The following OLFML2A variants were observed in gnomAD, a reference collection of about 807,000 sequenced individuals.
OLFML2A encodes olfactomedin-like protein 2A.
A neutral mutation model predicts 60.9 loss-of-function variants in OLFML2A; 47 were observed. That is an observed-to-expected ratio of 0.77 (90% CI 0.61 to 0.98). OLFML2A has a LOEUF of 0.98. OLFML2A is among the 50% of genes least tolerant of loss of function. The pLI is 0.00. For missense variants in OLFML2A, 922 were observed against 879.8 expected (o/e 1.05, Z -0.61); for synonymous variants, 372 against 375.0 (o/e 0.99, Z 0.09).
At chr9:124,801,214 CT>C in intron 4 of OLFML2A, 199 bp from the exon 5 acceptor site, 1 of 887,942 alleles carries the variant, frequency 1.1e-6, no homozygotes, top group Non-Finnish European at 1.7e-6. Context: ...AGCTAAAGAG[CT>C]GGGTGAGGAA....
In OLFML2A at chr9:124,810,963, C is replaced by G. The variant is rs1260958883; in HGVS notation, c.*551C>G. 1 of 154,736 alleles carries G rather than the reference C, an allele frequency of 6.5e-6. No individual in the cohort carries two copies. Among genetic ancestry groups the G allele is most frequent in the Non-Finnish European group, 1.4e-5 (1 of 69,658 alleles). The allele number at this position is 154,736 out of a possible 1,614,324, so 9.6% of individuals were successfully genotyped here. A position where few individuals can be genotyped will look rare whatever the true frequency, so the allele number is the denominator to read the frequency against. On this transcript the variant is annotated 3_prime_UTR_variant, in exon 8 of 8. Coordinates refer to ENST00000373580, the MANE Select transcript of OLFML2A (RefSeq NM_182487.4). ...ATCCTAGGGCCCTGTTCTGGCTGAG[C>G]TGTTGGTGGCCCTGGGCTTTGGGCC...
chr9:124,801,162 C>G, intron 4 of OLFML2A: 1 of 1,157,440 alleles, frequency 8.6e-7, no homozygotes, highest in Admixed American at 2.4e-5. Context: ...AGAAGTGGGA[C>G]AGGAATCTAA....
At chr9:124,782,125 T>A (rs1841371649) in intron 1 of OLFML2A, among the ~76,000 whole-genome samples, 1 of 152,236 alleles carries the variant, frequency 6.6e-6, no homozygotes, top group African/African-American at 2.4e-5. Flanking sequence ...CCTCAGGTTC[T>A]ATGCCCCCCA....
At chr9:124,783,954 A>G (rs1369131205) in intron 1 of OLFML2A, among the ~76,000 whole-genome samples, 1 of 152,232 alleles carries the variant, frequency 6.6e-6, no homozygotes, top group Non-Finnish European at 1.5e-5. Context: ...AGGAGGTAAC[A>G]TGTGAGCAGA....
rs540697659 is a variant in OLFML2A, at chr9:124,784,364, C to T, written c.91-2611C>T. Among the ~76,000 whole-genome samples the T allele has an allele frequency of 1.3e-3, 195 of 152,074 alleles. 1 individual carries two copies. The highest frequency in any genetic ancestry group is 4.3e-3 in the African/African-American group (177 of 41,502). On this transcript the variant is annotated intron_variant, in intron 1 of 7. Transcript: ENST00000373580. ...GATTACAGATGCCCACCACCACACC[C>T]GGCTAATTTCTGTATTTTTAGTAGA...
chr9:124,777,477 A>C lies in OLFML2A; in HGVS notation c.90+117A>C. ...GCCAGGGCGGAGGAGCCGGGAGCTG[A>C]GAGACCGAACCTGGGACTTCTCAGC... is the stretch of plus-strand genomic sequence containing the variant. On this transcript the variant is annotated intron_variant, in intron 1 of 7. Coordinates refer to ENST00000373580, the MANE Select transcript of OLFML2A (RefSeq NM_182487.4). This position sits in a 1 kb window ranked among gnomAD's most constrained non-coding sequence, Gnocchi z 6.2. 1.5e-5 allele frequency: 16 copies of C among 1,081,798 alleles called. No homozygotes were observed. The highest frequency in any genetic ancestry group is 1.9e-5 in the Non-Finnish European group (16 of 858,980). 67.0% of individuals were successfully genotyped at this position (1,081,798 alleles called of 1,614,324 possible).
Position 124,804,266 on chromosome 9 carries a change from CGCCACCA to C in OLFML2A, c.1093_1099del (p.Ala365ProfsTer40). On this transcript the variant is annotated frameshift_variant, in exon 6 of 8. Coordinates refer to ENST00000373580, the MANE Select transcript of OLFML2A (RefSeq NM_182487.4). LOFTEE classifies it high-confidence loss of function. ...CTTCAATCCCTGCCACCACCACCACCGCCACCACCACCCCAACCCCCACCACCAGTCT... is the reference window on the plus strand; with the variant it reads ...CTTCAATCCCTGCCACCACCACCACCCCACCCCAACCCCCACCACCAGTCT... The C allele has an allele frequency of 6.3e-7, 1 of 1,597,606 alleles. No individual in the cohort carries two copies. Among genetic ancestry groups the C allele is most frequent in the Non-Finnish European group, 8.5e-7 (1 of 1,172,580 alleles).
chr9:124,802,361 C>T (rs1033889106), intron 5 of OLFML2A, among the ~76,000 whole-genome samples: 2 of 152,220 alleles, frequency 1.3e-5, no homozygotes, highest in African/African-American at 4.8e-5. Context: ...CAAACCTGCT[C>T]CTCCCCTTCC....
chr9:124,805,801 T>A (rs1222115921), intron 6 of OLFML2A, among the ~76,000 whole-genome samples: 1 of 139,220 alleles, frequency 7.2e-6, no homozygotes, highest in Admixed American at 8.0e-5. Context: ...TTGTTTTGGT[T>A]TTTTTGGTTT....
intron 2 of OLFML2A, among the ~76,000 whole-genome samples, chr9:124,793,157 G>A (rs1049624554): frequency 9.2e-5 from 14 of 152,240 alleles, no homozygotes; most frequent in African/African-American, 1.7e-4. Flanking sequence ...GGGAAATGCC[G>A]GAGGGCTCAG....
intron 2 of OLFML2A, among the ~76,000 whole-genome samples, chr9:124,791,512 G>C (rs62583360): frequency 0.14 from 21,931 of 152,124 alleles, 2,020 homozygotes; most frequent in South Asian, 0.26. Context: ...CAAGACAGGT[G>C]GATCACCTGA....
Position 124,810,679 on chromosome 9 carries a change from T to C in OLFML2A, c.*267T>C, listed in dbSNP as rs1841995596. ...CTTGGAGGTAGAGATCATGAACCCA[T>C]TTAACAGACGAGGAGACAGGCTCAG... On this transcript the variant is annotated 3_prime_UTR_variant, in exon 8 of 8. Coordinates refer to ENST00000373580, the MANE Select transcript of OLFML2A (RefSeq NM_182487.4). The C allele has an allele frequency of 2.0e-6, 1 of 507,428 alleles. No individual in the cohort carries two copies. Among genetic ancestry groups the C allele is most frequent in the African/African-American group, 1.9e-5 (1 of 52,318 alleles). The allele number at this position is 507,428 out of a possible 1,614,324, so 31.4% of individuals were successfully genotyped here.
intron 1 of OLFML2A, among the ~76,000 whole-genome samples, chr9:124,786,738 G>A (rs1341688652): frequency 4.4e-5 from 5 of 114,106 alleles, no homozygotes; most frequent in East Asian, 2.5e-4. Flanking sequence ...AAAAATACAC[G>A]CAGAGACGTA....
At chr9:124,809,257 A>T (rs1006491276) in intron 7 of OLFML2A, among the ~76,000 whole-genome samples, 1 of 152,250 alleles carries the variant, frequency 6.6e-6, no homozygotes, top group East Asian at 1.9e-4. Context: ...AGCAGCGCAC[A>T]GGGTGGTGGA....
At chr9:124,789,619 C>T (rs990181641) in intron 2 of OLFML2A, among the ~76,000 whole-genome samples, 5 of 152,244 alleles carry the variant, frequency 3.3e-5, no homozygotes, top group Admixed American at 1.3e-4. Flanking sequence ...GTTCACTCTA[C>T]AGCTAGATGG....
intron 6 of OLFML2A, among the ~76,000 whole-genome samples, chr9:124,807,258 T>C (rs1317593850): frequency 6.6e-6 from 1 of 150,808 alleles, no homozygotes; most frequent in African/African-American, 2.4e-5. Flanking sequence ...ATATAATGAA[T>C]AATATAACTT....
At chr9:124,801,789 C>A in intron 5 of OLFML2A, 126 bp downstream of exon 5, 1 of 1,072,630 alleles carries the variant, frequency 9.3e-7, no homozygotes, top group Non-Finnish European at 1.3e-6. Context: ...GTTGGGTGCC[C>A]TCTGCTCATT....
In OLFML2A at chr9:124,812,016, AC is replaced by A. The variant is rs1477469652; in HGVS notation, c.*1605del. The A allele has an allele frequency of 1.3e-5, 2 of 152,454 alleles. No individual in the cohort carries two copies. The highest frequency in any genetic ancestry group is 4.8e-5 in the African/African-American group (2 of 41,432). The allele number at this position is 152,454 out of a possible 1,614,324, so 9.4% of individuals were successfully genotyped here. ...ACCCCAGCACCTGTGAAGGACATTT[AC>A]TGCTCATCCTCACCTGCCCCCTGGC... is the stretch of plus-strand genomic sequence containing the variant. On this transcript the variant is annotated 3_prime_UTR_variant, in exon 8 of 8. Transcript: ENST00000373580.
chr9:124,799,340 A>G lies in OLFML2A; in HGVS notation c.518A>G (p.His173Arg). Residue 173 changes from histidine to arginine, a missense_variant, in exon 4 of 8, where the codon CAC becomes CGC. Coordinates refer to ENST00000373580, the MANE Select transcript of OLFML2A (RefSeq NM_182487.4). ...ENEVVKDSVR[H>R]LSEQLRHYEN... Reference sequence around the variant, plus strand: ...GAGGTGGTGAAGGACAGCGTGCGCCACCTCAGTGAGCAGTTGAGGCACTAT... The same window carrying G: ...GAGGTGGTGAAGGACAGCGTGCGCCGCCTCAGTGAGCAGTTGAGGCACTAT... 1 of 1,613,702 alleles carries G rather than the reference A, an allele frequency of 6.2e-7. No individual in the cohort carries two copies. Among genetic ancestry groups the G allele is most frequent in the Non-Finnish European group, 8.5e-7 (1 of 1,179,846 alleles).
Sources: allele counts gnomAD v4.1 joint callset (sites outside exome capture counted in the v4.1 genomes callset), GRCh38; gene constraint gnomAD v4.1.1; non-coding constraint Gnocchi (gnomAD v3.1); transcripts MANE v1.5; gene names NCBI Gene and HGNC (gene_info 2026-07-23, HGNC 2026-07-21).